Variants in SGTA observed in about 807,000 individuals in gnomAD.
SGTA encodes small glutamine-rich tetratricopeptide repeat-containing protein alpha.
Under a neutral mutation model 44.3 loss-of-function variants are expected in SGTA, and 22 were observed. That is an observed-to-expected ratio of 0.50 (90% CI 0.36 to 0.71). The LOEUF is 0.71. Ranked by LOEUF, SGTA falls within the 30% of genes least tolerant of loss-of-function variation. SGTA has a pLI of 0.00. For synonymous variants in SGTA, 174 were observed against 177.6 expected, an observed-to-expected ratio of 0.98 and a Z score of 0.16; for missense variants, 341 against 435.9, an observed-to-expected ratio of 0.78 and a Z score of 1.94.
chr19:2,762,536 C>T lies in SGTA; in HGVS notation c.606G>A (p.Ala202=), dbSNP rs376613370. Residue 202 remains alanine, a synonymous_variant, in exon 7 of 12, where the codon GCG becomes GCA. Transcript: ENST00000221566. ...TGGGGGCCTCCCGCAGCTTCAGCTCCGCTATCTTGAGGTTGGACTTGTATG... is the reference window on the plus strand; with the variant it reads ...TGGGGGCCTCCCGCAGCTTCAGCTCTGCTATCTTGAGGTTGGACTTGTATG... ...NETYKSNLKI[A]ELKLREAPSP... 2.0e-5 allele frequency: 33 copies of T among 1,614,080 alleles called. No homozygotes were observed. The highest frequency in any genetic ancestry group is 4.0e-5 in the African/African-American group (3 of 75,068).
Position 2,757,894 on chromosome 19 carries a change from C to A in SGTA, c.738-112G>T, listed in dbSNP as rs561142135. On this transcript the variant is annotated intron_variant, in intron 9 of 11. Coordinates refer to ENST00000221566, the MANE Select transcript of SGTA (RefSeq NM_003021.4). ...CCTCTCAGCCCTTCACCTTCCCCTG[C>A]AGGAGAGGATTCTCTCTCACCACCT... The A allele has an allele frequency of 2.1e-4, 143 of 680,950 alleles. No homozygotes were observed. The African/African-American group carries it at 2.3e-3, about 11-fold the overall frequency. The allele number at this position is 680,950 out of a possible 1,614,324, so 42.2% of individuals were successfully genotyped here.
chr19:2,780,519 C>G (rs1336106273), intron 1 of SGTA, among the ~76,000 whole-genome samples: 1 of 152,172 alleles, frequency 6.6e-6, no homozygotes, highest in Non-Finnish European at 1.5e-5. Context: ...ACACCAAACC[C>G]TGTACATGCC....
chr19:2,774,462 T>C (rs4624312), intron 1 of SGTA, among the ~76,000 whole-genome samples: 49,245 of 151,950 alleles, frequency 0.32, 9,073 homozygotes, highest in East Asian at 0.66. Context: ...AAAACGACAC[T>C]TCCTATCACG....
intron 1 of SGTA, among the ~76,000 whole-genome samples, chr19:2,772,088 A>G (rs936768809): frequency 6.6e-6 from 1 of 152,158 alleles, no homozygotes; most frequent in African/African-American, 2.4e-5. Flanking sequence ...AGTGGACCTT[A>G]TTCTTAGTTG....
intron 1 of SGTA, among the ~76,000 whole-genome samples, chr19:2,778,248 C>T (rs897622047): frequency 3.3e-5 from 5 of 152,074 alleles, no homozygotes; most frequent in Admixed American, 6.5e-5. Context: ...GGGGGATGTG[C>T]GTTCCTTCGC....
At chr19:2,760,276 T>TG (rs1914945991) in intron 8 of SGTA, among the ~76,000 whole-genome samples, 1 of 151,758 alleles carries the variant, frequency 6.6e-6, no homozygotes, top group African/African-American at 2.4e-5. Context: ...CCCAGCACTT[T>TG]GGGGGGCCGA....
intron 1 of SGTA, among the ~76,000 whole-genome samples, chr19:2,772,938 G>A (rs71339134): frequency 1.4e-5 from 1 of 73,070 alleles, no homozygotes; most frequent in Admixed American, 1.3e-4. Context: ...GGTGGGTGAC[G>A]CGGCCACACG....
At chr19:2,759,471 C>A in intron 8 of SGTA, 177 bp from the exon 9 acceptor site, 2 of 604,242 alleles carry the variant, frequency 3.3e-6, no homozygotes, top group Non-Finnish European at 5.9e-6. Context: ...CCCCCACCCA[C>A]GAGCTGTGAC....
intron 4 of SGTA, among the ~76,000 whole-genome samples, chr19:2,766,308 G>A (rs992422357): frequency 4.6e-5 from 7 of 152,210 alleles, no homozygotes; most frequent in Admixed American, 6.5e-5. Flanking sequence ...GTGCATCTGC[G>A]CTGGGGCCTG....
chr19:2,764,207 G>A (rs560763332), intron 5 of SGTA, among the ~76,000 whole-genome samples: 18 of 152,300 alleles, frequency 1.2e-4, no homozygotes, highest in Non-Finnish European at 2.5e-4. Flanking sequence ...GTACAGAGAA[G>A]AGTGAGTGGA....
chr19:2,761,455 G>C lies in SGTA; in HGVS notation c.699+5C>G, dbSNP rs764732243. On this transcript the variant is annotated splice_donor_5th_base_variant and intron_variant, in intron 8 of 11. Coordinates refer to ENST00000221566, the MANE Select transcript of SGTA (RefSeq NM_003021.4). This position sits in a 1 kb window ranked among gnomAD's most constrained non-coding sequence, Gnocchi z 5.7. ...CATGGACAGGGAGGAGGGGCGGGCC[G>C]TTACCATGCTCATGAAGCCAGGGTT... The C allele has an allele frequency of 1.9e-6, 3 of 1,551,128 alleles. No individual in the cohort carries two copies. Among genetic ancestry groups the C allele is most frequent in the Non-Finnish European group, 2.6e-6 (3 of 1,146,692 alleles).
intron 1 of SGTA, chr19:2,777,828 G>A (rs1915476827): frequency 6.6e-6 from 1 of 151,720 alleles, no homozygotes; most frequent in South Asian, 2.1e-4. Flanking sequence ...AAGTGGTCTG[G>A]AGTTCCTGAC....
chr19:2,756,683 CAG>C (rs1568306274), intron 11 of SGTA, among the ~76,000 whole-genome samples: 1 of 151,824 alleles, frequency 6.6e-6, no homozygotes, highest in African/African-American at 2.4e-5. Flanking sequence ...GGACTGAACT[CAG>C]GGGAGCCTCC....
In SGTA at chr19:2,761,149, C is replaced by T. The variant is rs1352624543; in HGVS notation, c.699+311G>A. Among the ~76,000 whole-genome samples the T allele has an allele frequency of 6.6e-6, 1 of 152,174 alleles. No individual in the cohort carries two copies. The highest frequency in any genetic ancestry group is 2.4e-5 in the African/African-American group (1 of 41,434). On this transcript the variant is annotated intron_variant, in intron 8 of 11. Transcript: ENST00000221566. This position sits in a 1 kb window ranked among gnomAD's most constrained non-coding sequence, Gnocchi z 5.7. ...ACGCCAGGGTGGGGTGGGGGTGTGA[C>T]CTCCCTGGGCTCAGCCAGGAGAGCC...
rs148178050 is a variant in SGTA, at chr19:2,764,053, T to C, written c.393-296A>G. Among the ~76,000 whole-genome samples the C allele has an allele frequency of 2.5e-3, 374 of 152,380 alleles. 2 individuals carry two copies. Among genetic ancestry groups the C allele is most frequent in the African/African-American group, 8.2e-3 (340 of 41,588 alleles). ...AAGAGCAATGAGGGTAGGGAACTTA[T>C]ACCCAAGTTTCATTCACAAATTATT... On this transcript the variant is annotated intron_variant, in intron 5 of 11. Transcript: ENST00000221566.
intron 1 of SGTA, among the ~76,000 whole-genome samples, chr19:2,782,126 G>A (rs943868721): frequency 6.6e-6 from 1 of 152,162 alleles, no homozygotes; most frequent in Non-Finnish European, 1.5e-5. Context: ...GACATTTAAA[G>A]CTGGATCATT....
rs1317760423 is a variant in SGTA, at chr19:2,767,784, T to C, written c.101-98A>G. 2.2e-6 allele frequency: 2 copies of C among 890,452 alleles called. No homozygotes were observed. Among genetic ancestry groups the C allele is most frequent in the Non-Finnish European group, 3.7e-6 (2 of 543,520 alleles). 55.2% of individuals were successfully genotyped at this position (890,452 alleles called of 1,614,324 possible). A position where few individuals can be genotyped will look rare whatever the true frequency, so the allele number is the denominator to read the frequency against. On this transcript the variant is annotated intron_variant, in intron 2 of 11. Coordinates refer to ENST00000221566, the MANE Select transcript of SGTA (RefSeq NM_003021.4). The surrounding 1 kb of genome is among the most constrained non-coding windows in gnomAD (Gnocchi z 7.3). ...GGGTTGGTGCTCATGCTTCCCCAGGTGTGTTCATTCCCAAGGACCCCAGAA... is the reference window on the plus strand; with the variant it reads ...GGGTTGGTGCTCATGCTTCCCCAGGCGTGTTCATTCCCAAGGACCCCAGAA...
chr19:2,772,822 C>T (rs1490347935), intron 1 of SGTA, among the ~76,000 whole-genome samples: 1 of 139,032 alleles, frequency 7.2e-6, no homozygotes, highest in Non-Finnish European at 1.5e-5. Flanking sequence ...GACGCGGCCA[C>T]AGGGCAGGGA....
At position 2,757,737 on chromosome 19, in the gene SGTA, G is replaced by A. The variant is rs149352340; in HGVS notation, c.783C>T (p.Pro261=). Residue 261 remains proline (P), a synonymous_variant, in exon 10 of 12, where the codon CCC becomes CCT. Transcript: ENST00000221566. ...ISGGNNPLGT[P]GTSPSQNDLA... is the part of the protein sequence containing the mutation. Reference sequence around the variant, plus strand: ...GGTCGTTCTGCGAGGGGCTGGTGCCGGGAGTTCCCAAGGGGTTGTTGCCAC... The same window carrying A: ...GGTCGTTCTGCGAGGGGCTGGTGCCAGGAGTTCCCAAGGGGTTGTTGCCAC... 149 of 1,603,882 alleles carry A rather than the reference G, an allele frequency of 9.3e-5. 1 individual carries two copies. In the Middle Eastern group the frequency reaches 1.2e-3, roughly 12 times the overall value.
Sources: allele counts gnomAD v4.1 joint callset (sites outside exome capture counted in the v4.1 genomes callset), GRCh38; gene constraint gnomAD v4.1.1; non-coding constraint Gnocchi (gnomAD v3.1); transcripts MANE v1.5; gene names NCBI Gene and HGNC (gene_info 2026-07-23, HGNC 2026-07-21).